Variants in DLGAP1 observed in about 807,000 individuals in gnomAD.
The protein encoded by DLGAP1 is DLG associated protein 1.
Under a neutral mutation model 90.8 loss-of-function variants are expected in DLGAP1, and 11 were observed. The ratio of observed to expected loss-of-function variants is 0.12; its 90% CI spans 0.08 to 0.20. The LOEUF is 0.20. DLGAP1 is among the 10% of genes least tolerant of loss of function. The pLI is 1.00. For synonymous variants in DLGAP1, 558 were observed against 540.7 expected, an observed-to-expected ratio of 1.03 and a Z score of -0.44; for missense variants, 1,050 against 1,333.8, an observed-to-expected ratio of 0.79 and a Z score of 3.31.
At chr18:3,976,004 C>T (rs144545696) in intron 3 of DLGAP1, among the ~76,000 whole-genome samples, 48 of 151,890 alleles carry the variant, frequency 3.2e-4, no homozygotes, top group African/African-American at 9.9e-4. Flanking sequence ...ATGGTGGTGA[C>T]GGTTGTACAA....
chr18:3,673,067 T>C (rs11872153), intron 7 of DLGAP1, among the ~76,000 whole-genome samples: 17,012 of 152,244 alleles, frequency 0.11, 1,867 homozygotes, highest in African/African-American at 0.28. Flanking sequence ...TCAAGGTCTA[T>C]CTTAGTCTAG....
intron 7 of DLGAP1, among the ~76,000 whole-genome samples, chr18:3,673,964 T>G (rs1460216970): frequency 6.6e-6 from 1 of 151,926 alleles, no homozygotes. Flanking sequence ...TGCCTCAGCT[T>G]CCCGAGTAGC....
chr18:4,154,505 T>A (rs1175240679), intron 1 of DLGAP1, among the ~76,000 whole-genome samples: 1 of 152,170 alleles, frequency 6.6e-6, no homozygotes, highest in African/African-American at 2.4e-5. Context: ...AGTTACGGTA[T>A]TCCAAGAGGC....
intron 1 of DLGAP1, among the ~76,000 whole-genome samples, chr18:4,361,375 C>A (rs2081626743): frequency 6.6e-6 from 1 of 152,042 alleles, no homozygotes; most frequent in African/African-American, 2.4e-5. Context: ...CTACAGTAAT[C>A]AAAACATTGT....
chr18:3,676,150 A>G (rs377348724), intron 7 of DLGAP1, among the ~76,000 whole-genome samples: 9 of 152,348 alleles, frequency 5.9e-5, no homozygotes, highest in African/African-American at 1.7e-4. Context: ...TGGCAGTCCC[A>G]TCTTTCCTCT....
intron 3 of DLGAP1, among the ~76,000 whole-genome samples, chr18:4,002,690 G>A (rs540806484): frequency 1.3e-5 from 2 of 152,246 alleles, no homozygotes; most frequent in African/African-American, 2.4e-5. Context: ...TTCGTTTCTG[G>A]AGAGTCAAAA....
intron 5 of DLGAP1, among the ~76,000 whole-genome samples, chr18:3,808,239 C>T (rs575187434): frequency 2.6e-5 from 4 of 151,482 alleles, no homozygotes; most frequent in Non-Finnish European, 2.9e-5. Context: ...TTAAACGTGT[C>T]GCGTTTCTTA....
chr18:4,428,310 G>A (rs1415327930), intron 1 of DLGAP1, among the ~76,000 whole-genome samples: 9 of 152,174 alleles, frequency 5.9e-5, no homozygotes, highest in Admixed American at 5.2e-4. Context: ...GCCAGGTATG[G>A]TGGCTCACGC....
chr18:4,215,296 GA>G (rs1204233124), intron 1 of DLGAP1, among the ~76,000 whole-genome samples: 2 of 152,072 alleles, frequency 1.3e-5, no homozygotes, highest in Non-Finnish European at 2.9e-5. Context: ...ATAAAATTAT[GA>G]ATGACAAAAT....
intron 7 of DLGAP1, among the ~76,000 whole-genome samples, chr18:3,601,861 T>TAAAAAAAA (rs2057048783): frequency 4.2e-5 from 1 of 23,724 alleles, no homozygotes; most frequent in African/African-American, 3.1e-4. Flanking sequence ...AAAAAAAAAT[T>TAAAAAAAA]AGCTGGGCGT....
chr18:3,863,792 A>G (rs1345164356), intron 4 of DLGAP1, among the ~76,000 whole-genome samples: 4 of 152,058 alleles, frequency 2.6e-5, no homozygotes, highest in Admixed American at 6.5e-5. Flanking sequence ...GGAGCCTGCA[A>G]CCTCCCAGGC....
At chr18:4,023,287 C>A (rs1007891273) in intron 2 of DLGAP1, among the ~76,000 whole-genome samples, 2 of 151,576 alleles carry the variant, frequency 1.3e-5, no homozygotes, top group Non-Finnish European at 2.9e-5. Context: ...CCTTTCTTTT[C>A]TTTTTAAAAA....
At chr18:3,589,817 G>A (rs944584811) in intron 7 of DLGAP1, among the ~76,000 whole-genome samples, 3 of 152,194 alleles carry the variant, frequency 2.0e-5, no homozygotes, top group Non-Finnish European at 4.4e-5. Context: ...GAGAAGGGCT[G>A]CCTTGGTCCA....
chr18:4,029,237 C>G (rs963630881), intron 2 of DLGAP1, among the ~76,000 whole-genome samples: 3 of 152,136 alleles, frequency 2.0e-5, no homozygotes, highest in African/African-American at 7.2e-5. Flanking sequence ...ACCATATTCT[C>G]TTTATTCATT....
intron 1 of DLGAP1, among the ~76,000 whole-genome samples, chr18:4,246,440 G>T (rs1402629): frequency 6.6e-6 from 1 of 151,958 alleles, no homozygotes. Flanking sequence ...CATCAATCTG[G>T]GATATGGTCA....
intron 2 of DLGAP1, among the ~76,000 whole-genome samples, chr18:4,092,793 C>T (rs1312397798): frequency 6.6e-6 from 1 of 152,110 alleles, no homozygotes; most frequent in African/African-American, 2.4e-5. Context: ...TTCTCGTGGG[C>T]ACCCAGTAAA....
chr18:3,893,540 C>T (rs1263226185), intron 3 of DLGAP1, among the ~76,000 whole-genome samples: 3 of 151,404 alleles, frequency 2.0e-5, no homozygotes, highest in African/African-American at 4.9e-5. Flanking sequence ...GATTGCACCA[C>T]TGCACTCCAG....
chr18:3,841,539 C>T (rs2068715985), intron 4 of DLGAP1, among the ~76,000 whole-genome samples: 1 of 152,108 alleles, frequency 6.6e-6, no homozygotes, highest in African/African-American at 2.4e-5. Context: ...GGCAGTAAAT[C>T]ACGTGGAAAA....
intron 7 of DLGAP1, chr18:3,597,093 T>A (rs369180697): frequency 2.9e-5 from 15 of 518,124 alleles, no homozygotes; most frequent in African/African-American, 9.7e-5. Flanking sequence ...TCGTTACTCT[T>A]TTTTTTTTCA....
Sources: allele counts gnomAD v4.1 joint callset (sites outside exome capture counted in the v4.1 genomes callset), GRCh38; gene constraint gnomAD v4.1.1; transcripts MANE v1.5; gene names NCBI Gene and HGNC (gene_info 2026-07-23, HGNC 2026-07-21).